Variants in ALCAM observed in about 807,000 individuals in gnomAD.
ALCAM encodes the protein activated leukocyte cell adhesion molecule.
Under a neutral mutation model 70.9 loss-of-function variants are expected in ALCAM, and 30 were observed. The observed-to-expected ratio is 0.42, with a 90% CI of 0.32 to 0.57. The LOEUF (loss-of-function observed/expected upper bound fraction) is 0.57, where lower values mean the gene tolerates loss of function less well. Among genes scored for constraint, ALCAM ranks in the 20% least tolerant of loss-of-function variants. The pLI is 0.11. For synonymous variants in ALCAM, 249 were observed against 242.5 expected (o/e 1.03, Z -0.25); for missense variants, 591 against 695.1 (o/e 0.85, Z 1.68).
chr3:105,384,378 A>G (rs1935598315), intron 1 of ALCAM, among the ~76,000 whole-genome samples: 1 of 151,542 alleles, frequency 6.6e-6, no homozygotes, highest in African/African-American at 2.4e-5. Flanking sequence ...GGACAAAATA[A>G]TCTTAAATTC....
intron 1 of ALCAM, among the ~76,000 whole-genome samples, chr3:105,466,994 G>A (rs997825513): frequency 2.6e-5 from 4 of 151,348 alleles, no homozygotes; most frequent in African/African-American, 9.7e-5. Context: ...AAGAGAAAGA[G>A]AAGGGACTTT....
chr3:105,371,825 A>G (rs926222163), intron 1 of ALCAM, among the ~76,000 whole-genome samples: 1 of 152,174 alleles, frequency 6.6e-6, no homozygotes, highest in African/African-American at 2.4e-5. Context: ...AGGTATAGCT[A>G]TGATAGAAGA....
intron 1 of ALCAM, among the ~76,000 whole-genome samples, chr3:105,429,692 A>G (rs1259368579): frequency 2.0e-5 from 3 of 152,000 alleles, no homozygotes; most frequent in African/African-American, 4.8e-5. Context: ...CCAATTGATT[A>G]TGTAACTTGC....
intron 14 of ALCAM, among the ~76,000 whole-genome samples, chr3:105,565,201 T>C (rs9830049): frequency 0.083 from 12,589 of 152,248 alleles, 666 homozygotes; most frequent in Non-Finnish European, 0.12. Context: ...TTTGAAAATT[T>C]GGAAAAAATT....
rs373907546 is a variant in ALCAM, at chr3:105,550,284, C to T, written c.1507+25C>T. The T allele has an allele frequency of 1.9e-5, 30 of 1,574,330 alleles. No homozygotes were observed. The East Asian group carries it at 6.8e-4, about 36-fold the overall frequency. ...AGTGAGTATTTTATTTCTGGCATTA[C>T]AAAAGTAAGAAAATTTGAAGTTATT... On this transcript the variant is annotated intron_variant, in intron 12 of 15. Transcript: ENST00000306107.
intron 1 of ALCAM, among the ~76,000 whole-genome samples, chr3:105,421,614 T>C (rs993039663): frequency 2.6e-5 from 4 of 151,474 alleles, no homozygotes; most frequent in African/African-American, 9.7e-5. Context: ...GGATTAAGAC[T>C]TGTCACCCAT....
chr3:105,443,638 A>T (rs1229528075), intron 1 of ALCAM, among the ~76,000 whole-genome samples: 1 of 152,228 alleles, frequency 6.6e-6, no homozygotes, highest in Non-Finnish European at 1.5e-5. Flanking sequence ...AAACATATAC[A>T]TGTAGGCACA....
intron 1 of ALCAM, among the ~76,000 whole-genome samples, chr3:105,387,306 T>C (rs1935685299): frequency 6.6e-6 from 1 of 151,274 alleles, no homozygotes; most frequent in Non-Finnish European, 1.5e-5. Context: ...ATTTCAAACA[T>C]AAGATCATCT....
chr3:105,465,032 T>C (rs1937675569), intron 1 of ALCAM, among the ~76,000 whole-genome samples: 1 of 151,386 alleles, frequency 6.6e-6, no homozygotes, highest in African/African-American at 2.4e-5. Flanking sequence ...TGAAATAATA[T>C]GGTATATACT....
chr3:105,486,184 G>A (rs1938423482), intron 1 of ALCAM, among the ~76,000 whole-genome samples: 1 of 151,998 alleles, frequency 6.6e-6, no homozygotes, highest in African/African-American at 2.4e-5. Context: ...ATCCCACTGG[G>A]CAGTGTCATT....
chr3:105,390,180 TTG>T lies in ALCAM; in HGVS notation c.73+22700_73+22701del, dbSNP rs1935778596. Reference sequence around the variant, plus strand: ...ATCACCACACTGTCTTCCACAATGATTGAACTAATTTACATTACCACCAACAG... The same window carrying T: ...ATCACCACACTGTCTTCCACAATGATAACTAATTTACATTACCACCAACAG... On this transcript the variant is annotated intron_variant, in intron 1 of 15. Transcript: ENST00000306107. Among the ~76,000 whole-genome samples the T allele has an allele frequency of 2.0e-5, 3 of 152,038 alleles. No individual in the cohort carries two copies. In the South Asian group the frequency reaches 6.2e-4, roughly 31 times the overall value.
At chr3:105,475,898 CCTT>C (rs1938096103) in intron 1 of ALCAM, among the ~76,000 whole-genome samples, 1 of 151,620 alleles carries the variant, frequency 6.6e-6, no homozygotes, top group Non-Finnish European at 1.5e-5. Context: ...TCTTCTATCA[CCTT>C]CTTCTTCCTT....
In ALCAM at chr3:105,407,107, C is replaced by A. The variant is rs1323108266; in HGVS notation, c.73+39626C>A. Among the ~76,000 whole-genome samples, 4 of 152,088 alleles carry A rather than the reference C, an allele frequency of 2.6e-5. 1 individual carries two copies. Among genetic ancestry groups the A allele is most frequent in the Non-Finnish European group, 5.9e-5 (4 of 68,024 alleles). Reference sequence around the variant, plus strand: ...AAAAGTCCAGGACCAGATGGATTCACAGCTGAATTCTATTAGACATTCAAA... The same window carrying A: ...AAAAGTCCAGGACCAGATGGATTCAAAGCTGAATTCTATTAGACATTCAAA... On this transcript the variant is annotated intron_variant, in intron 1 of 15. Transcript: ENST00000306107.
chr3:105,397,886 C>G (rs1401457099), intron 1 of ALCAM, among the ~76,000 whole-genome samples: 1 of 151,934 alleles, frequency 6.6e-6, no homozygotes, highest in Non-Finnish European at 1.5e-5. Context: ...TTAATAAAAG[C>G]TTTCTTAACT....
intron 1 of ALCAM, among the ~76,000 whole-genome samples, chr3:105,406,063 T>C (rs971002467): frequency 1.3e-5 from 2 of 152,196 alleles, no homozygotes; most frequent in Admixed American, 6.5e-5. Flanking sequence ...TATATGTCTA[T>C]GTGTAAGTGT....
intron 1 of ALCAM, among the ~76,000 whole-genome samples, chr3:105,448,404 TA>T (rs35702821): frequency 5.4e-5 from 8 of 149,212 alleles, no homozygotes; most frequent in East Asian, 2.0e-4. Context: ...TAGTCTCCAT[TA>T]AAAAAAAAAA....
At chr3:105,476,543 C>T (rs1208830847) in intron 1 of ALCAM, among the ~76,000 whole-genome samples, 2 of 151,956 alleles carry the variant, frequency 1.3e-5, no homozygotes, top group African/African-American at 4.8e-5. Context: ...GTATACTTTA[C>T]TGGTTCCAGT....
At chr3:105,508,635 T>A (rs189778409) in intron 1 of ALCAM, among the ~76,000 whole-genome samples, 2 of 152,284 alleles carry the variant, frequency 1.3e-5, no homozygotes, top group African/African-American at 4.8e-5. Context: ...CTATACAACA[T>A]GAGGTTTTGA....
chr3:105,540,003 G>T lies in ALCAM; in HGVS notation c.759G>T (p.Val253=). The change falls in exon 7 of 16, where the codon GTG becomes GTT. Residue 253 remains valine (V), a synonymous_variant. Coordinates refer to ENST00000306107, the MANE Select transcript of ALCAM (RefSeq NM_001627.4). ...CTACAGAGCAGGTGACAATACAAGT[G>T]CTGCCACCAAAAAATGCCATCAAAG... ...YYPTEQVTIQ[V]LPPKNAIKEG... is the part of the protein sequence containing the mutation. 2 of 1,612,428 alleles carry T rather than the reference G, an allele frequency of 1.2e-6. No individual in the cohort carries two copies. Among genetic ancestry groups the T allele is most frequent in the Non-Finnish European group, 1.7e-6 (2 of 1,178,888 alleles).
Sources: allele counts gnomAD v4.1 joint callset (sites outside exome capture counted in the v4.1 genomes callset), GRCh38; gene constraint gnomAD v4.1.1; transcripts MANE v1.5; gene names NCBI Gene and HGNC (gene_info 2026-07-23, HGNC 2026-07-21).